NAALADL2: variants seen among roughly 807,000 people sequenced by gnomAD.
NAALADL2 encodes the protein inactive N-acetylated-alpha-linked acidic dipeptidase-like protein 2.
Under a neutral mutation model 87.2 loss-of-function variants are expected in NAALADL2, and 76 were observed. The ratio of observed to expected loss-of-function variants is 0.87; its 90% CI spans 0.72 to 1.05. The LOEUF is 1.05. Among genes scored for constraint, NAALADL2 ranks in the 50% least tolerant of loss-of-function variants. The probability of loss-of-function intolerance (pLI) is 0.00; values close to 1 mark genes in which losing one functional copy is unlikely to be tolerated. For missense variants in NAALADL2, 1,089 were observed against 945.8 expected (o/e 1.15, Z -1.99); for synonymous variants, 354 against 331.0 (o/e 1.07, Z -0.75).
At chr3:175,181,241 G>C (rs1736417596) in intron 2 of NAALADL2, among the ~76,000 whole-genome samples, 1 of 151,968 alleles carries the variant, frequency 6.6e-6, no homozygotes, top group South Asian at 2.1e-4. Context: ...TTTGAAAATA[G>C]CTAACTTCAT....
At chr3:174,640,377 T>C (rs1036249855) in intron 2 of NAALADL2, among the ~76,000 whole-genome samples, 1 of 152,324 alleles carries the variant, frequency 6.6e-6, no homozygotes, top group East Asian at 1.9e-4. Context: ...AAAATGTGTC[T>C]GAAGAGCTAA....
At chr3:174,479,969 A>G (rs1163588807) in intron 1 of NAALADL2, among the ~76,000 whole-genome samples, 1 of 152,168 alleles carries the variant, frequency 6.6e-6, no homozygotes, top group East Asian at 1.9e-4. Flanking sequence ...ATAGAATGAG[A>G]TAAGACATGG....
chr3:174,922,763 A>G (rs1254860291), intron 1 of NAALADL2, among the ~76,000 whole-genome samples: 1 of 152,078 alleles, frequency 6.6e-6, no homozygotes, highest in East Asian at 1.9e-4. Flanking sequence ...GAAATGGTGT[A>G]TTTTTCCACA....
At chr3:175,332,238 G>C (rs540416581) in intron 5 of NAALADL2, among the ~76,000 whole-genome samples, 1 of 152,040 alleles carries the variant, frequency 6.6e-6, no homozygotes, top group Non-Finnish European at 1.5e-5. Flanking sequence ...TATTTGAAGG[G>C]AACCATAAAA....
At chr3:175,654,638 A>C (rs2149795705) in intron 11 of NAALADL2, among the ~76,000 whole-genome samples, 1 of 152,338 alleles carries the variant, frequency 6.6e-6, no homozygotes, top group Admixed American at 6.5e-5. Context: ...CATCGCTGTA[A>C]GTGCAGCTGC....
chr3:175,765,848 T>A (rs903775733), intron 13 of NAALADL2, among the ~76,000 whole-genome samples: 5 of 152,144 alleles, frequency 3.3e-5, no homozygotes, highest in African/African-American at 1.2e-4. Flanking sequence ...TCCTGCCAGA[T>A]TGGTCTTATT....
At chr3:174,596,607 T>C (rs1331278244) in intron 2 of NAALADL2, among the ~76,000 whole-genome samples, 1 of 152,218 alleles carries the variant, frequency 6.6e-6, no homozygotes, top group Non-Finnish European at 1.5e-5. Flanking sequence ...GAACTGCACC[T>C]CAAGAATATG....
intron 2 of NAALADL2, among the ~76,000 whole-genome samples, chr3:175,157,776 A>G (rs1732542701): frequency 6.6e-6 from 1 of 152,062 alleles, no homozygotes; most frequent in Non-Finnish European, 1.5e-5. Flanking sequence ...AACAGTGTCT[A>G]TCCTTTCAGA....
intron 2 of NAALADL2, among the ~76,000 whole-genome samples, chr3:174,610,711 G>T (rs1247023484): frequency 7.0e-6 from 1 of 143,238 alleles, no homozygotes; most frequent in Non-Finnish European, 1.5e-5. Flanking sequence ...CTTTTACACT[G>T]TTGTTGGGAC....
At chr3:175,706,527 C>T (rs1374243863) in intron 11 of NAALADL2, among the ~76,000 whole-genome samples, 3 of 152,032 alleles carry the variant, frequency 2.0e-5, no homozygotes, top group African/African-American at 7.2e-5. Flanking sequence ...TATTTTTGGA[C>T]CACAGTTAAC....
intron 1 of NAALADL2, among the ~76,000 whole-genome samples, chr3:174,904,726 C>A (rs1414186011): frequency 1.3e-5 from 2 of 151,786 alleles, no homozygotes; most frequent in African/African-American, 4.8e-5. Flanking sequence ...ACAGCTGGAG[C>A]TACCATTAAT....
chr3:175,372,356 C>T (rs1337336486), intron 5 of NAALADL2, among the ~76,000 whole-genome samples: 3 of 152,206 alleles, frequency 2.0e-5, no homozygotes, highest in East Asian at 1.9e-4. Flanking sequence ...GTTAGAGTTT[C>T]GTGTTTTCCT....
At chr3:174,950,372 A>G (rs1483154929) in intron 1 of NAALADL2, among the ~76,000 whole-genome samples, 1 of 152,090 alleles carries the variant, frequency 6.6e-6, no homozygotes, top group Non-Finnish European at 1.5e-5. Flanking sequence ...CCTTGGAAAT[A>G]TGCTTGGTTT....
chr3:175,142,807 A>G (rs779711264), intron 2 of NAALADL2, among the ~76,000 whole-genome samples: 38 of 151,998 alleles, frequency 2.5e-4, no homozygotes, highest in Non-Finnish European at 4.9e-4. Flanking sequence ...GCTATTTGAA[A>G]TGTATTTTAA....
At chr3:175,769,739 T>TGC (rs397687036) in intron 13 of NAALADL2, among the ~76,000 whole-genome samples, 1 of 151,522 alleles carries the variant, frequency 6.6e-6, no homozygotes, top group Non-Finnish European at 1.5e-5. Context: ...TGTGTGTGTG[T>TGC]CTGTGTGTAT....
intron 1 of NAALADL2, among the ~76,000 whole-genome samples, chr3:174,974,381 T>A (rs770839958): frequency 2.6e-5 from 4 of 152,194 alleles, no homozygotes; most frequent in African/African-American, 4.8e-5. Flanking sequence ...TTGAAATTTA[T>A]CAAGGCATCC....
intron 1 of NAALADL2, among the ~76,000 whole-genome samples, chr3:174,895,752 C>T (rs1424540474): frequency 1.3e-5 from 2 of 151,722 alleles, no homozygotes; most frequent in African/African-American, 4.8e-5. Flanking sequence ...AACAAACAAA[C>T]AACTGCAGGC....
intron 2 of NAALADL2, among the ~76,000 whole-genome samples, chr3:175,178,027 A>G (rs1735941928): frequency 2.0e-5 from 3 of 152,046 alleles, no homozygotes; most frequent in African/African-American, 7.2e-5. Flanking sequence ...CAGGAGCCAG[A>G]CTGCCTACAT....
At chr3:175,257,891 T>C (rs770211080) in intron 4 of NAALADL2, among the ~76,000 whole-genome samples, 2 of 152,142 alleles carry the variant, frequency 1.3e-5, no homozygotes, top group Non-Finnish European at 2.9e-5. Context: ...CTTTAAAAAA[T>C]GTATTATATT....
Sources: gnomAD v4.1 joint callset for allele counts (sites outside exome capture counted in the v4.1 genomes callset) on GRCh38, gnomAD v4.1.1 for gene constraint, MANE v1.5 for transcripts, NCBI Gene and HGNC (gene_info 2026-07-23, HGNC 2026-07-21) for gene names.